TSHZ2: variants seen among roughly 807,000 people sequenced by gnomAD.
TSHZ2 encodes the protein teashirt zinc finger homeobox 2.
In TSHZ2, 21 loss-of-function variants were observed where a neutral mutation model predicts 74.4. The observed-to-expected ratio is 0.28, with a 90% CI of 0.20 to 0.41. TSHZ2 has a LOEUF of 0.41. Ranked by LOEUF, TSHZ2 falls within the 10% of genes least tolerant of loss-of-function variation. The probability of loss-of-function intolerance (pLI) is 1.00; values close to 1 mark genes in which losing one functional copy is unlikely to be tolerated. For synonymous variants in TSHZ2, 540 were observed against 515.3 expected (o/e 1.05, Z -0.65); for missense variants, 1,244 against 1,293.5 (o/e 0.96, Z 0.59).
At chr20:52,991,201 A>G (rs1042543312) in intron 1 of TSHZ2, among the ~76,000 whole-genome samples, 1 of 147,498 alleles carries the variant, frequency 6.8e-6, no homozygotes, top group African/African-American at 2.5e-5. Flanking sequence ...TTTCTGATGC[A>G]TGATTTTGTG....
At chr20:53,266,525 T>C (rs1439452416) in intron 2 of TSHZ2, among the ~76,000 whole-genome samples, 2 of 152,116 alleles carry the variant, frequency 1.3e-5, no homozygotes, top group Non-Finnish European at 2.9e-5. Context: ...TCACCTCAAA[T>C]AAGAAACCAA....
chr20:53,216,536 G>A (rs1444813745), intron 1 of TSHZ2, among the ~76,000 whole-genome samples: 1 of 152,196 alleles, frequency 6.6e-6, no homozygotes, highest in Non-Finnish European at 1.5e-5. Flanking sequence ...AAGCATAGGT[G>A]CGACCCAACC....
intron 1 of TSHZ2, among the ~76,000 whole-genome samples, chr20:53,219,302 C>T (rs1989504044): frequency 1.3e-5 from 2 of 152,164 alleles, no homozygotes; most frequent in African/African-American, 2.4e-5. Flanking sequence ...TAGCCAACAA[C>T]AAGAAATAAA....
intron 2 of TSHZ2, among the ~76,000 whole-genome samples, chr20:53,296,956 C>A (rs909977506): frequency 6.6e-6 from 1 of 152,214 alleles, no homozygotes; most frequent in Non-Finnish European, 1.5e-5. Flanking sequence ...CAAAGTGAAT[C>A]CAGGATCTTT....
At chr20:53,215,174 G>C (rs1052533812) in intron 1 of TSHZ2, among the ~76,000 whole-genome samples, 4 of 152,114 alleles carry the variant, frequency 2.6e-5, no homozygotes. Flanking sequence ...AGAAAAAGTA[G>C]AAAATCTAAC....
chr20:53,286,918 CA>C (rs1991179003), intron 2 of TSHZ2, among the ~76,000 whole-genome samples: 2 of 145,738 alleles, frequency 1.4e-5, no homozygotes, highest in Non-Finnish European at 1.5e-5. Context: ...CACACACACA[CA>C]CACACACGTA....
chr20:53,462,512 C>T (rs956031497), intron 2 of TSHZ2, among the ~76,000 whole-genome samples: 2 of 152,158 alleles, frequency 1.3e-5, no homozygotes, highest in Non-Finnish European at 2.9e-5. Context: ...CTACTGCCAC[C>T]CTGCCCCAGC....
Position 53,492,924 on chromosome 20 carries a change from A to G in TSHZ2, c.*5789A>G, listed in dbSNP as rs1275026931. ...GAAAGCAGACCGGTCATTTTCAAAG[A>G]AAAATGACTGCAACCATGCCTGTAG... is the stretch of plus-strand genomic sequence containing the variant. On this transcript the variant is annotated 3_prime_UTR_variant, in exon 3 of 3. Transcript: ENST00000371497. 1 of 152,224 alleles carries G rather than the reference A, an allele frequency of 6.6e-6. No homozygotes were observed. Among genetic ancestry groups the G allele is most frequent in the Non-Finnish European group, 1.5e-5 (1 of 68,044 alleles). 9.4% of individuals were successfully genotyped at this position (152,224 alleles called of 1,614,324 possible).
intron 1 of TSHZ2, among the ~76,000 whole-genome samples, chr20:53,234,911 T>G (rs1163928339): frequency 6.6e-6 from 1 of 152,122 alleles, no homozygotes; most frequent in Admixed American, 6.5e-5. Context: ...CAGGATCTGA[T>G]GTATCTTTCA....
chr20:53,089,637 C>T (rs1280188084), intron 1 of TSHZ2, among the ~76,000 whole-genome samples: 3 of 152,082 alleles, frequency 2.0e-5, no homozygotes, highest in Admixed American at 6.5e-5. Context: ...TGATTTTTCA[C>T]ACAGTAATAA....
At chr20:53,205,413 A>G (rs1007884461) in intron 1 of TSHZ2, among the ~76,000 whole-genome samples, 3 of 152,198 alleles carry the variant, frequency 2.0e-5, no homozygotes, top group African/African-American at 7.2e-5. Context: ...TCTGTGCAAA[A>G]TGTACATATT....
At chr20:53,407,811 G>A (rs891287130) in intron 2 of TSHZ2, among the ~76,000 whole-genome samples, 1 of 152,178 alleles carries the variant, frequency 6.6e-6, no homozygotes, top group African/African-American at 2.4e-5. Context: ...CACAAAAGCA[G>A]TGCCATGTGA....
At chr20:53,017,185 C>T (rs925531665) in intron 1 of TSHZ2, among the ~76,000 whole-genome samples, 1 of 152,158 alleles carries the variant, frequency 6.6e-6, no homozygotes, top group Admixed American at 6.5e-5. Flanking sequence ...CACAACAGCT[C>T]TGTGGCATAC....
At chr20:52,979,808 G>T (rs753608018) in intron 1 of TSHZ2, among the ~76,000 whole-genome samples, 2 of 152,128 alleles carry the variant, frequency 1.3e-5, no homozygotes, top group Non-Finnish European at 2.9e-5. Flanking sequence ...AAGATAATCC[G>T]ATTATTAATA....
rs3971383 is a variant in TSHZ2 at position 53,228,019 on chromosome 20, G to GTT, written c.41-25462_41-25461dup. ...GCTGATCTTTATAATTTCAAATGGT[G>GTT]TTTTTTTTTTTTTTTTTTTGATTCT... On this transcript the variant is annotated intron_variant, in intron 1 of 2. Coordinates refer to ENST00000371497, the MANE Select transcript of TSHZ2 (RefSeq NM_173485.6). Among the ~76,000 whole-genome samples the GTT allele has an allele frequency of 2.7e-3, 278 of 101,416 alleles. 9 individuals are homozygous for GTT. Among genetic ancestry groups the GTT allele is most frequent in the Middle Eastern group, 0.011 (2 of 180 alleles). 66.5% of individuals were successfully genotyped at this position (101,416 alleles called of 152,430 possible). A position where few individuals can be genotyped will look rare whatever the true frequency, so the allele number is the denominator to read the frequency against.
intron 1 of TSHZ2, among the ~76,000 whole-genome samples, chr20:53,044,414 A>C (rs1984152573): frequency 6.6e-6 from 1 of 152,192 alleles, no homozygotes; most frequent in African/African-American, 2.4e-5. Flanking sequence ...ACTGGTGTGG[A>C]GTGAGCTGCG....
At chr20:53,404,990 C>T (rs1982790527) in intron 2 of TSHZ2, among the ~76,000 whole-genome samples, 1 of 152,208 alleles carries the variant, frequency 6.6e-6, no homozygotes, top group Non-Finnish European at 1.5e-5. Context: ...GCAGTTCATC[C>T]CTGTAATCTA....
At chr20:53,268,150 C>T (rs896152673) in intron 2 of TSHZ2, among the ~76,000 whole-genome samples, 6 of 152,052 alleles carry the variant, frequency 3.9e-5, no homozygotes, top group African/African-American at 7.2e-5. Flanking sequence ...AGGCAGGGGG[C>T]GGGCATTTGG....
At chr20:53,064,759 T>C (rs1475727443) in intron 1 of TSHZ2, among the ~76,000 whole-genome samples, 1 of 152,132 alleles carries the variant, frequency 6.6e-6, no homozygotes, top group Non-Finnish European at 1.5e-5. Flanking sequence ...AGTTTGATAA[T>C]TGCTGTGCTA....
Sources: gnomAD v4.1 joint callset for allele counts (sites outside exome capture counted in the v4.1 genomes callset) on GRCh38, gnomAD v4.1.1 for gene constraint, MANE v1.5 for transcripts, NCBI Gene and HGNC (gene_info 2026-07-23, HGNC 2026-07-21) for gene names.